FBXO36: variants seen among roughly 807,000 people sequenced by gnomAD.
FBXO36 encodes the protein F-box only protein 36.
FBXO36 carries 18 observed loss-of-function variants against 17.0 expected under a neutral mutation model. The observed-to-expected ratio is 1.06, with a 90% CI of 0.73 to 1.57. The LOEUF is 1.57. Ranked by LOEUF, FBXO36 falls within the 40% of genes most tolerant of loss-of-function variation. The pLI is 0.00. For missense variants in FBXO36, 229 were observed against 221.9 expected (o/e 1.03, Z -0.20); for synonymous variants, 83 against 85.3 (o/e 0.97, Z 0.15).
At chr2:229,984,173 C>A (rs1167962242) in intron 2 of FBXO36, among the ~76,000 whole-genome samples, 1 of 151,814 alleles carries the variant, frequency 6.6e-6, no homozygotes, top group Non-Finnish European at 1.5e-5. Context: ...CATGGTGAAA[C>A]CCTGTCTCTA....
At chr2:229,970,534 TCA>T (rs2077175314) in intron 1 of FBXO36, among the ~76,000 whole-genome samples, 1 of 152,136 alleles carries the variant, frequency 6.6e-6, no homozygotes, top group Admixed American at 6.6e-5. Context: ...TACAGCATCC[TCA>T]GAGTTGAAAT....
intron 3 of FBXO36, among the ~76,000 whole-genome samples, chr2:230,006,111 T>G (rs1367297475): frequency 6.7e-6 from 1 of 149,146 alleles, no homozygotes; most frequent in Non-Finnish European, 1.5e-5. Context: ...TTTAGTTTTT[T>G]TTTTTTTTTT....
At position 230,012,651 on chromosome 2, in the gene FBXO36, C is replaced by T. The variant is rs557565686; in HGVS notation, c.*1767C>T. ...CTCTGCAGAGCTCTAGCTGCCTTGGCTCTCCCTGAGCTCCCAGACTTCACT... is the reference window on the plus strand; with the variant it reads ...CTCTGCAGAGCTCTAGCTGCCTTGGTTCTCCCTGAGCTCCCAGACTTCACT... On this transcript the variant is annotated 3_prime_UTR_variant, in exon 4 of 4. Transcript: ENST00000283946. The T allele has an allele frequency of 1.3e-5, 2 of 152,018 alleles. No homozygotes were observed. The highest frequency in any genetic ancestry group is 4.1e-4 in the South Asian group (2 of 4,832). The allele number at this position is 152,018 out of a possible 1,614,324, so 9.4% of individuals were successfully genotyped here.
chr2:229,929,149 G>C (rs1162382127), intron 1 of FBXO36, among the ~76,000 whole-genome samples: 1 of 151,342 alleles, frequency 6.6e-6, no homozygotes, highest in Non-Finnish European at 1.5e-5. Context: ...TGCCAGACTG[G>C]TCTCAAACTC....
Position 230,003,556 on chromosome 2 carries a change from G to A in FBXO36, c.378+6633G>A, listed in dbSNP as rs552630047. 3.3e-5 allele frequency among the ~76,000 whole-genome samples: 5 copies of A among 151,002 alleles called. No homozygotes were observed. The East Asian group carries it at 7.7e-4, about 23-fold the overall frequency. On this transcript the variant is annotated intron_variant, in intron 3 of 3. Coordinates refer to ENST00000283946, the MANE Select transcript of FBXO36 (RefSeq NM_174899.5). ...CTTCTTCTTTTTTTTTTTTTGACAC[G>A]GAGTCTTGCTGTGTTGCCCAGGCTG...
At chr2:229,971,991 CTTTTTT>C (rs918029152) in intron 1 of FBXO36, among the ~76,000 whole-genome samples, 3 of 104,048 alleles carry the variant, frequency 2.9e-5, no homozygotes, top group Non-Finnish European at 4.0e-5. Flanking sequence ...GTATCCAATT[CTTTTTT>C]TTTTTTTTTT....
chr2:229,991,721 G>C (rs896431781), intron 2 of FBXO36, among the ~76,000 whole-genome samples: 4 of 152,172 alleles, frequency 2.6e-5, no homozygotes, highest in African/African-American at 9.6e-5. Context: ...TACTGCATTA[G>C]AGAAAACCAC....
At chr2:229,960,542 G>T (rs2077115384) in intron 1 of FBXO36, among the ~76,000 whole-genome samples, 1 of 152,098 alleles carries the variant, frequency 6.6e-6, no homozygotes, top group South Asian at 2.1e-4. Context: ...CCACACAGCA[G>T]TGCACTGGTG....
chr2:229,988,828 GT>G (rs11321192), intron 2 of FBXO36, among the ~76,000 whole-genome samples: 5,956 of 129,302 alleles, frequency 0.046, 399 homozygotes, highest in African/African-American at 0.16. Context: ...ATGCTGGCCT[GT>G]TTTTTTTTTT....
chr2:229,966,289 AGAT>A (rs2077152418), intron 1 of FBXO36, among the ~76,000 whole-genome samples: 1 of 152,206 alleles, frequency 6.6e-6, no homozygotes, highest in Non-Finnish European at 1.5e-5. Flanking sequence ...GCCCTTTGTC[AGAT>A]GAGTAGATTG....
chr2:229,983,326 G>T (rs1238517219), intron 2 of FBXO36, among the ~76,000 whole-genome samples: 1 of 151,552 alleles, frequency 6.6e-6, no homozygotes, highest in African/African-American at 2.4e-5. Context: ...AGTGAGCCAA[G>T]ATTACACCAT....
intron 3 of FBXO36, among the ~76,000 whole-genome samples, chr2:230,004,037 G>C (rs745975625): frequency 6.6e-6 from 1 of 151,530 alleles, no homozygotes; most frequent in Admixed American, 6.5e-5. Context: ...GTCGTAGCCA[G>C]CACAGCCACG....
At chr2:229,939,058 G>GTTTTTTTTTTTTT (rs199897011) in intron 1 of FBXO36, 2 of 115,624 alleles carry the variant, frequency 1.7e-5, no homozygotes, top group Non-Finnish European at 3.4e-5. Flanking sequence ...TTTGTTTTTT[G>GTTTTTTTTTTTTT]TTTTTTTTTT....
intron 3 of FBXO36, among the ~76,000 whole-genome samples, chr2:230,007,570 A>G (rs1467379408): frequency 2.0e-5 from 3 of 152,040 alleles, no homozygotes; most frequent in Non-Finnish European, 4.4e-5. Flanking sequence ...TCTTGTGTTT[A>G]CAGCAACCTG....
intron 1 of FBXO36, among the ~76,000 whole-genome samples, chr2:229,961,544 T>C (rs1476187213): frequency 6.6e-6 from 1 of 152,020 alleles, no homozygotes; most frequent in Admixed American, 6.6e-5. Flanking sequence ...CCCAGCTAAT[T>C]TTTGTATTTT....
intron 1 of FBXO36, among the ~76,000 whole-genome samples, chr2:229,927,615 C>T (rs534353293): frequency 6.6e-6 from 1 of 151,982 alleles, no homozygotes; most frequent in Admixed American, 6.6e-5. Context: ...GGTGGTTGTC[C>T]GAAGAGCACC....
chr2:229,925,067 C>T (rs1263704768), intron 1 of FBXO36, among the ~76,000 whole-genome samples: 3 of 151,896 alleles, frequency 2.0e-5, no homozygotes, highest in Admixed American at 2.0e-4. Flanking sequence ...CCCACCATCC[C>T]TTCAGTGTTC....
intron 3 of FBXO36, among the ~76,000 whole-genome samples, chr2:230,003,494 T>G (rs1229927289): frequency 6.6e-6 from 1 of 151,668 alleles, no homozygotes; most frequent in Non-Finnish European, 1.5e-5. Context: ...ACAACAACCT[T>G]GTGTTTGTTG....
chr2:229,924,799 C>T (rs1577322394), intron 1 of FBXO36, among the ~76,000 whole-genome samples: 1 of 151,674 alleles, frequency 6.6e-6, no homozygotes, highest in Non-Finnish European at 1.5e-5. Context: ...GGCAGCGTCT[C>T]GCACTGTCGC....
Sources: allele counts gnomAD v4.1 joint callset (sites outside exome capture counted in the v4.1 genomes callset), GRCh38; gene constraint gnomAD v4.1.1; transcripts MANE v1.5; gene names NCBI Gene and HGNC (gene_info 2026-07-23, HGNC 2026-07-21).